DLC1: variants seen among roughly 807,000 people sequenced by gnomAD.
DLC1 encodes rho GTPase-activating protein 7.
In DLC1, 54 loss-of-function variants were observed where a neutral mutation model predicts 140.3. The ratio of observed to expected loss-of-function variants is 0.38; its 90% CI spans 0.31 to 0.48. DLC1 has a LOEUF of 0.48. Among genes scored for constraint, DLC1 ranks in the 20% least tolerant of loss-of-function variants. DLC1 has a pLI of 0.96. For synonymous variants in DLC1, 986 were observed against 728.1 expected (o/e 1.35, Z -5.70); for missense variants, 2,536 against 1,907.0 (o/e 1.33, Z -6.14).
chr8:13,166,759 G>A (rs537752447), intron 5 of DLC1, among the ~76,000 whole-genome samples: 2 of 152,200 alleles, frequency 1.3e-5, no homozygotes, highest in African/African-American at 2.4e-5. Context: ...TCATGTATCT[G>A]GCTATTTGAA....
intron 2 of DLC1, among the ~76,000 whole-genome samples, chr8:13,481,741 C>T (rs1430103372): frequency 1.3e-5 from 2 of 152,128 alleles, no homozygotes; most frequent in South Asian, 2.1e-4. Context: ...TCCCCAGTAC[C>T]TCACAATGTG....
chr8:13,576,209 G>A (rs559279160), intron 1 of DLC1, among the ~76,000 whole-genome samples: 9 of 152,274 alleles, frequency 5.9e-5, no homozygotes, highest in Non-Finnish European at 8.8e-5. Flanking sequence ...GTAATAACCC[G>A]CATTGCTGTT....
chr8:13,195,820 C>T (rs1827013791), intron 5 of DLC1, among the ~76,000 whole-genome samples: 1 of 152,092 alleles, frequency 6.6e-6, no homozygotes, highest in African/African-American at 2.4e-5. Context: ...TATAGCAGCA[C>T]TATCCTTCTC....
intron 2 of DLC1, among the ~76,000 whole-genome samples, chr8:13,406,181 G>GTTGTTTTTTT (rs1554514489): frequency 1.1e-4 from 9 of 84,958 alleles, no homozygotes; most frequent in Non-Finnish European, 1.7e-4. Flanking sequence ...TAATTTTTGT[G>GTTGTTTTTTT]TTTTTTTTTT....
intron 5 of DLC1, among the ~76,000 whole-genome samples, chr8:13,240,991 G>A (rs188651805): frequency 1.2e-4 from 18 of 152,268 alleles, no homozygotes; most frequent in Admixed American, 9.2e-4. Context: ...CAAAGAAGGG[G>A]TTGAGAGAGA....
chr8:13,574,967 T>G (rs952002691), intron 1 of DLC1, among the ~76,000 whole-genome samples: 29 of 152,322 alleles, frequency 1.9e-4, no homozygotes, highest in Admixed American at 5.2e-4. Flanking sequence ...GGAGTAGGTG[T>G]GAGCTCTCCC....
intron 1 of DLC1, chr8:13,567,306 C>A: frequency 1.3e-6 from 2 of 1,551,700 alleles, no homozygotes; most frequent in South Asian, 1.2e-5. Context: ...AACCAGACAC[C>A]AAACTTCCAA....
intron 1 of DLC1, among the ~76,000 whole-genome samples, chr8:13,542,122 C>G (rs1036339709): frequency 3.9e-5 from 6 of 152,092 alleles, no homozygotes; most frequent in Non-Finnish European, 8.8e-5. Context: ...TCTGTGCTGT[C>G]TAATAAATGT....
chr8:13,497,606 G>A (rs1169941900), intron 2 of DLC1, among the ~76,000 whole-genome samples: 1 of 152,214 alleles, frequency 6.6e-6, no homozygotes, highest in African/African-American at 2.4e-5. Context: ...CAAGTGGTGA[G>A]TATATGTTTC....
intron 2 of DLC1, among the ~76,000 whole-genome samples, chr8:13,458,855 CTA>C (rs1430132000): frequency 6.6e-6 from 1 of 151,586 alleles, no homozygotes; most frequent in African/African-American, 2.4e-5. Flanking sequence ...GCGCTTATGA[CTA>C]TTGTTAAAAA....
chr8:13,176,395 C>G (rs10104785), intron 5 of DLC1, among the ~76,000 whole-genome samples: 68,911 of 151,828 alleles, frequency 0.45, 16,422 homozygotes, highest in East Asian at 0.84. Flanking sequence ...TGGCTAACAC[C>G]GTGAAACCCC....
chr8:13,241,406 TG>T (rs1829538462), intron 5 of DLC1, among the ~76,000 whole-genome samples: 1 of 152,132 alleles, frequency 6.6e-6, no homozygotes, highest in South Asian at 2.1e-4. Flanking sequence ...CAACCTGATT[TG>T]GGGTACATTT....
At chr8:13,588,530 T>C (rs1463886064) in intron 1 of DLC1, among the ~76,000 whole-genome samples, 2 of 152,122 alleles carry the variant, frequency 1.3e-5, no homozygotes, top group East Asian at 3.8e-4. Context: ...GCAAGAATTA[T>C]AGCCTGGGGG....
At chr8:13,281,589 G>T (rs1414674239) in intron 5 of DLC1, among the ~76,000 whole-genome samples, 1 of 152,246 alleles carries the variant, frequency 6.6e-6, no homozygotes, top group Admixed American at 6.5e-5. Context: ...GGGGTTCTAT[G>T]CTTAGAAAGC....
chr8:13,470,241 C>A (rs1016521510), intron 2 of DLC1, among the ~76,000 whole-genome samples: 1 of 152,150 alleles, frequency 6.6e-6, no homozygotes, highest in Non-Finnish European at 1.5e-5. Flanking sequence ...TCTCAAAGGG[C>A]TTTTATTTTT....
chr8:13,570,288 TTCTC>T (rs199669982), intron 1 of DLC1, among the ~76,000 whole-genome samples: 11 of 136,886 alleles, frequency 8.0e-5, no homozygotes, highest in Admixed American at 1.5e-4. Flanking sequence ...TTCCCCTAAA[TTCTC>T]TCTTTTTTTT....
intron 4 of DLC1, among the ~76,000 whole-genome samples, chr8:13,350,919 C>T (rs1032063332): frequency 6.6e-6 from 1 of 151,992 alleles, no homozygotes; most frequent in Non-Finnish European, 1.5e-5. Context: ...AATATTTGTC[C>T]TTTTGAATAT....
At chr8:13,272,234 A>C (rs1474780337) in intron 5 of DLC1, among the ~76,000 whole-genome samples, 2 of 151,900 alleles carry the variant, frequency 1.3e-5, no homozygotes, top group Non-Finnish European at 2.9e-5. Flanking sequence ...GATCATTTGA[A>C]GTTAGGAGTT....
intron 1 of DLC1, among the ~76,000 whole-genome samples, chr8:13,590,902 A>G (rs1032930001): frequency 2.0e-5 from 3 of 152,076 alleles, no homozygotes; most frequent in African/African-American, 7.2e-5. Context: ...TAAAAGCGAT[A>G]CTCTCAGAAA....
Sources: gnomAD v4.1 joint callset for allele counts (sites outside exome capture counted in the v4.1 genomes callset) on GRCh38, gnomAD v4.1.1 for gene constraint, MANE v1.5 for transcripts, NCBI Gene and HGNC (gene_info 2026-07-23, HGNC 2026-07-21) for gene names.